Variants in TWSG1 observed in about 807,000 individuals in gnomAD.
TWSG1 encodes twisted gastrulation BMP signaling modulator 1.
TWSG1 carries 15 observed loss-of-function variants against 23.0 expected under a neutral mutation model. The observed-to-expected ratio is 0.65, with a 90% CI of 0.44 to 1.00. TWSG1 has a LOEUF of 1.00. Ranked by LOEUF, TWSG1 falls within the 50% of genes least tolerant of loss-of-function variation. The probability of loss-of-function intolerance (pLI) is 0.00; values close to 1 mark genes in which losing one functional copy is unlikely to be tolerated. For synonymous variants in TWSG1, 86 were observed against 92.8 expected, an observed-to-expected ratio of 0.93 and a Z score of 0.42; for missense variants, 242 against 278.7, an observed-to-expected ratio of 0.87 and a Z score of 0.94.
At chr18:9,344,311 T>C (rs2040463711) in intron 2 of TWSG1, among the ~76,000 whole-genome samples, 2 of 152,202 alleles carry the variant, frequency 1.3e-5, no homozygotes, top group African/African-American at 2.4e-5. Context: ...GAAGTGTTTA[T>C]TCTAAAGTGG....
intron 2 of TWSG1, among the ~76,000 whole-genome samples, chr18:9,339,617 G>T (rs2040437201): frequency 6.6e-6 from 1 of 151,924 alleles, no homozygotes; most frequent in East Asian, 1.9e-4. Flanking sequence ...ACCGTGCCTG[G>T]CCATTAAAAA....
At chr18:9,340,009 A>C (rs577198769) in intron 2 of TWSG1, among the ~76,000 whole-genome samples, 3 of 152,312 alleles carry the variant, frequency 2.0e-5, no homozygotes, top group East Asian at 1.9e-4. Context: ...AGGAAACATC[A>C]AACTTTTTTC....
chr18:9,347,443 C>T (rs2040482539), intron 2 of TWSG1, among the ~76,000 whole-genome samples: 1 of 152,200 alleles, frequency 6.6e-6, no homozygotes, highest in Admixed American at 6.5e-5. Context: ...GTGTTGCCAT[C>T]TTAGCAGTAT....
intron 2 of TWSG1, among the ~76,000 whole-genome samples, chr18:9,343,650 T>C (rs1230297924): frequency 6.6e-6 from 1 of 152,192 alleles, no homozygotes; most frequent in Non-Finnish European, 1.5e-5. Flanking sequence ...ACATTTAATA[T>C]GAATGGAATC....
chr18:9,357,310 T>C (rs2040531522), intron 2 of TWSG1, among the ~76,000 whole-genome samples: 1 of 152,200 alleles, frequency 6.6e-6, no homozygotes, highest in Non-Finnish European at 1.5e-5. Context: ...GTCACACATA[T>C]ACACTTATAT....
At chr18:9,395,638 C>T (rs1481112472) in intron 3 of TWSG1, among the ~76,000 whole-genome samples, 1 of 152,154 alleles carries the variant, frequency 6.6e-6, no homozygotes, top group East Asian at 1.9e-4. Flanking sequence ...ACAGTGATAG[C>T]TTACTGCTGC....
chr18:9,375,091 C>T (rs774281318), intron 3 of TWSG1, among the ~76,000 whole-genome samples: 58 of 147,694 alleles, frequency 3.9e-4, no homozygotes, highest in Non-Finnish European at 7.4e-4. Flanking sequence ...GGTGTGAACC[C>T]GGGAGGCAGA....
intron 3 of TWSG1, among the ~76,000 whole-genome samples, chr18:9,365,827 T>G (rs2040576070): frequency 6.6e-6 from 1 of 151,762 alleles, no homozygotes; most frequent in South Asian, 2.1e-4. Context: ...ACAGGGAGAC[T>G]CTGTCTCTAC....
chr18:9,365,635 T>C (rs900683903), intron 3 of TWSG1, among the ~76,000 whole-genome samples: 1 of 149,106 alleles, frequency 6.7e-6, no homozygotes, highest in Non-Finnish European at 1.5e-5. Context: ...CATGTCTGAG[T>C]CACTGCAGTC....
chr18:9,355,415 G>A (rs1407755546), intron 2 of TWSG1, among the ~76,000 whole-genome samples: 1 of 151,556 alleles, frequency 6.6e-6, no homozygotes. Flanking sequence ...CTTTACAAAT[G>A]TTATTATATT....
rs1287888746 is a variant in TWSG1 at position 9,393,447 on chromosome 18, A to T, written c.224-2833A>T. 2.0e-5 allele frequency among the ~76,000 whole-genome samples: 3 copies of T among 152,238 alleles called. No homozygotes were observed. The East Asian group carries it at 5.8e-4, about 29-fold the overall frequency. On this transcript the variant is annotated intron_variant, in intron 3 of 4. Coordinates refer to ENST00000262120, the MANE Select transcript of TWSG1 (RefSeq NM_020648.6). Reference sequence around the variant, plus strand: ...ACAGCTTGAAGGCTGGGGCTGATTAAACACTGTGTCACCTTGCCCCTTTAT... The same window carrying T: ...ACAGCTTGAAGGCTGGGGCTGATTATACACTGTGTCACCTTGCCCCTTTAT...
At chr18:9,350,433 A>G (rs1265517637) in intron 2 of TWSG1, among the ~76,000 whole-genome samples, 1 of 152,176 alleles carries the variant, frequency 6.6e-6, no homozygotes, top group Non-Finnish European at 1.5e-5. Context: ...AGTAGGAAAA[A>G]TTGTAAAATA....
intron 3 of TWSG1, among the ~76,000 whole-genome samples, chr18:9,374,759 G>C (rs1405159210): frequency 6.6e-6 from 1 of 152,114 alleles, no homozygotes; most frequent in Non-Finnish European, 1.5e-5. Flanking sequence ...GAATATAGAG[G>C]CAAATTATCA....
chr18:9,400,766 A>G lies in TWSG1; in HGVS notation c.*1239A>G, dbSNP rs937035566. 3 of 152,328 alleles carry G rather than the reference A, an allele frequency of 2.0e-5. No individual in the cohort carries two copies. The highest frequency in any genetic ancestry group is 2.9e-5 in the Non-Finnish European group (2 of 68,022). 9.4% of individuals were successfully genotyped at this position (152,328 alleles called of 1,614,324 possible). On this transcript the variant is annotated 3_prime_UTR_variant, in exon 5 of 5. Transcript: ENST00000262120. ...ACAGAATTTAGTCAACATTTTATAT[A>G]ATGTTTCAATAAATGTTTCTTTCAA...
intron 3 of TWSG1, among the ~76,000 whole-genome samples, chr18:9,375,023 T>C (rs1412880973): frequency 6.6e-6 from 1 of 151,996 alleles, no homozygotes; most frequent in African/African-American, 2.4e-5. Context: ...AAAAATTAGC[T>C]GGGCGTGGTG....
intron 2 of TWSG1, among the ~76,000 whole-genome samples, chr18:9,345,045 C>T (rs2040470661): frequency 6.6e-6 from 1 of 152,126 alleles, no homozygotes; most frequent in South Asian, 2.1e-4. Context: ...AGGTGTGAGC[C>T]ACCATGCCCA....
At chr18:9,383,334 C>T (rs2040668131) in intron 3 of TWSG1, among the ~76,000 whole-genome samples, 1 of 151,804 alleles carries the variant, frequency 6.6e-6, no homozygotes, top group African/African-American at 2.4e-5. Flanking sequence ...GCTGAAATTA[C>T]AGGTGTGCAC....
intron 3 of TWSG1, among the ~76,000 whole-genome samples, chr18:9,379,087 G>A (rs1194138713): frequency 6.6e-6 from 1 of 152,180 alleles, no homozygotes; most frequent in East Asian, 1.9e-4. Context: ...GTGTAAATTA[G>A]TTCAACCATT....
Position 9,402,322 on chromosome 18 carries a change from G to T in TWSG1, c.*2795G>T, listed in dbSNP as rs1289969081. The T allele has an allele frequency of 6.6e-6, 1 of 151,996 alleles. No homozygotes were observed. The highest frequency in any genetic ancestry group is 2.4e-5 in the African/African-American group (1 of 41,372). The allele number at this position is 151,996 out of a possible 1,614,324, so 9.4% of individuals were successfully genotyped here. On this transcript the variant is annotated 3_prime_UTR_variant, in exon 5 of 5. Coordinates refer to ENST00000262120, the MANE Select transcript of TWSG1 (RefSeq NM_020648.6). ...CTATTCTGCATTCCCAAGAGTTTATGTTTATTGTATTTTATATGATCTACA... is the reference window on the plus strand; with the variant it reads ...CTATTCTGCATTCCCAAGAGTTTATTTTTATTGTATTTTATATGATCTACA...
Sources: allele counts gnomAD v4.1 joint callset (sites outside exome capture counted in the v4.1 genomes callset), GRCh38; gene constraint gnomAD v4.1.1; transcripts MANE v1.5; gene names NCBI Gene and HGNC (gene_info 2026-07-23, HGNC 2026-07-21).